Variants in IL36B observed in about 807,000 individuals in gnomAD.
IL36B encodes the protein interleukin-36 beta.
Under a neutral mutation model 19.3 loss-of-function variants are expected in IL36B, and 23 were observed. The observed-to-expected ratio is 1.19, with a 90% confidence interval of 0.86 to 1.69. The LOEUF is 1.69. Ranked by LOEUF, IL36B falls within the 40% of genes most tolerant of loss-of-function variation. The pLI is 0.00. For missense variants in IL36B, 217 were observed against 200.5 expected, an observed-to-expected ratio of 1.08 and a Z score of -0.50; for synonymous variants, 59 against 59.7, an observed-to-expected ratio of 0.99 and a Z score of 0.05.
At chr2:113,049,613 A>T (rs1416431356) in intron 1 of IL36B, among the ~76,000 whole-genome samples, 1 of 152,228 alleles carries the variant, frequency 6.6e-6, no homozygotes, top group Non-Finnish European at 1.5e-5. Context: ...ACCCATTAAG[A>T]TGGTTGCTAT....
At chr2:113,040,361 G>C (rs375926150) in intron 1 of IL36B, among the ~76,000 whole-genome samples, 4 of 152,258 alleles carry the variant, frequency 2.6e-5, no homozygotes, top group African/African-American at 9.6e-5. Context: ...AAGAATGTTT[G>C]CTTTTTCCAC....
intron 4 of IL36B, chr2:113,028,079 C>T (rs755561076): frequency 6.2e-7 from 1 of 1,614,132 alleles, no homozygotes; most frequent in Non-Finnish European, 8.5e-7. Flanking sequence ...GGCTTCTGTG[C>T]TTTCTTCTCC....
chr2:113,047,811 C>T (rs553246913), intron 1 of IL36B, among the ~76,000 whole-genome samples: 3 of 151,800 alleles, frequency 2.0e-5, no homozygotes, highest in Non-Finnish European at 4.4e-5. Context: ...TAAAGGTAGA[C>T]TTTAATTAAG....
At chr2:113,022,814 G>A (rs778854716) in intron 5 of IL36B, 1 of 1,382,270 alleles carries the variant, frequency 7.2e-7, no homozygotes, top group Admixed American at 1.7e-5. Flanking sequence ...GGCTTAGCAA[G>A]ATGTGGACAT....
chr2:113,032,703 A>C (rs1262540563), intron 1 of IL36B, among the ~76,000 whole-genome samples: 1 of 152,318 alleles, frequency 6.6e-6, no homozygotes, highest in Non-Finnish European at 1.5e-5. Flanking sequence ...TCAAGGCTCT[A>C]GTTGCATGTA....
chr2:113,046,416 AG>A (rs1438002733), intron 1 of IL36B, among the ~76,000 whole-genome samples: 1 of 152,050 alleles, frequency 6.6e-6, no homozygotes, highest in East Asian at 1.9e-4. Context: ...TCACCATGTT[AG>A]CCAGTATGGT....
Position 113,031,110 on chromosome 2 carries a change from A to G in IL36B, c.59T>C (p.Met20Thr), listed in dbSNP as rs1169425795. Residue 20 changes from methionine to threonine, a missense_variant, in exon 3 of 6, where the codon ATG becomes ACG. Met to Thr is a moderately conservative substitution (Grantham distance 81, BLOSUM62 -1). Transcript: ENST00000259213. The stretch of plus-strand genomic sequence containing the variant: ...AGAATTTCCACTCAGGACCCACACC[A>G]TCTGTCGAGAATCACGAATAGCATA... 6.2e-7 allele frequency: 1 copy of G among 1,614,206 alleles called. No individual in the cohort carries two copies. Among genetic ancestry groups the G allele is most frequent in the East Asian group, 2.2e-5 (1 of 44,892 alleles).
rs200218645 is a variant in IL36B, at chr2:113,022,702, G to A, written c.467C>T (p.Thr156Ile). ...CATCCTTCCTGGCATTCCTATGTTG[G>A]TCCGCATGGATGAGAAATCTTTGTC... Residue 156 changes from threonine (T) to isoleucine (I), a missense_variant, in exon 6 of 6, where the codon ACC (threonine) becomes ATC (isoleucine). Thr to Ile is a moderately conservative substitution (Grantham distance 89). Transcript: ENST00000259213. 3.2e-5 allele frequency: 52 copies of A among 1,610,830 alleles called. No individual in the cohort carries two copies. Among genetic ancestry groups the A allele is most frequent in the Middle Eastern group, 1.6e-4 (1 of 6,070 alleles).
intron 4 of IL36B, chr2:113,027,475 C>A: frequency 9.8e-7 from 1 of 1,023,126 alleles, no homozygotes; most frequent in Non-Finnish European, 1.2e-6. Context: ...TCACATTCAT[C>A]TCATTCTTCA....
At chr2:113,037,283 C>T (rs1328088061) in intron 1 of IL36B, among the ~76,000 whole-genome samples, 2 of 152,210 alleles carry the variant, frequency 1.3e-5, no homozygotes, top group Non-Finnish European at 2.9e-5. Flanking sequence ...CAATGATACT[C>T]CTTTGTGGAT....
chr2:113,025,242 A>G (rs1684936239), intron 5 of IL36B, among the ~76,000 whole-genome samples: 1 of 152,200 alleles, frequency 6.6e-6, no homozygotes, highest in East Asian at 1.9e-4. Context: ...AAGAATTGAG[A>G]CAGGGAAATT....
chr2:113,033,534 C>T (rs185337314), intron 1 of IL36B, among the ~76,000 whole-genome samples: 7 of 152,288 alleles, frequency 4.6e-5, no homozygotes, highest in Admixed American at 2.6e-4. Flanking sequence ...CCACTGCACC[C>T]GTCCCACACA....
intron 1 of IL36B, among the ~76,000 whole-genome samples, chr2:113,035,519 T>C (rs752663036): frequency 6.6e-6 from 1 of 151,252 alleles, no homozygotes; most frequent in Admixed American, 6.6e-5. Context: ...AAAATAATAA[T>C]AGCAACAAGA....
intron 4 of IL36B, among the ~76,000 whole-genome samples, chr2:113,026,613 C>A (rs752933443): frequency 2.3e-4 from 35 of 152,152 alleles, no homozygotes; most frequent in Non-Finnish European, 4.4e-4. Context: ...AGTGGATTTG[C>A]AGATTATATT....
chr2:113,030,881 T>C (rs1685062430), intron 3 of IL36B, among the ~76,000 whole-genome samples, 167 bp downstream of exon 3: 2 of 152,144 alleles, frequency 1.3e-5, no homozygotes, highest in Admixed American at 1.3e-4. Flanking sequence ...GGGATTTCCT[T>C]TGTGGAAGGG....
At chr2:113,041,156 C>CAAAAAAAAAAAAAAAAAAAA in intron 1 of IL36B, among the ~76,000 whole-genome samples, 1 of 132,976 alleles carries the variant, frequency 7.5e-6, no homozygotes. Context: ...GACTTTGCCA[C>CAAAAAAAAAAAAAAAAAAAA]ACACAAAAAA....
chr2:113,024,412 GA>G (rs1684916332), intron 5 of IL36B, among the ~76,000 whole-genome samples: 1 of 152,144 alleles, frequency 6.6e-6, no homozygotes, highest in South Asian at 2.1e-4. Flanking sequence ...CCATACTACA[GA>G]TAGACAAGGA....
chr2:113,027,956 T>C (rs562554069), intron 4 of IL36B: 1 of 1,614,102 alleles, frequency 6.2e-7, no homozygotes. Context: ...CCTCTCTCCT[T>C]GGTGAGAAAG....
chr2:113,046,500 G>A (rs1475939949), intron 1 of IL36B, among the ~76,000 whole-genome samples: 2 of 152,102 alleles, frequency 1.3e-5, no homozygotes, highest in Non-Finnish European at 2.9e-5. Flanking sequence ...GAGCCACCGC[G>A]CCTGCCCTCT....
Sources: allele counts gnomAD v4.1 joint callset (sites outside exome capture counted in the v4.1 genomes callset), GRCh38; gene constraint gnomAD v4.1.1; transcripts MANE v1.5; gene names NCBI Gene and HGNC (gene_info 2026-07-23, HGNC 2026-07-21).